PRKN: variants seen among roughly 807,000 people sequenced by gnomAD.
PRKN encodes the protein E3 ubiquitin-protein ligase parkin.
PRKN carries 56 observed loss-of-function variants against 59.5 expected under a neutral mutation model. The ratio of observed to expected loss-of-function variants is 0.94; its 90% confidence interval spans 0.76 to 1.18. The LOEUF (loss-of-function observed/expected upper bound fraction) is 1.18, where lower values mean the gene tolerates loss of function less well. Ranked by LOEUF, PRKN falls within the 50% of genes most tolerant of loss-of-function variation. PRKN has a pLI of 0.00. For synonymous variants in PRKN, 250 were observed against 222.1 expected, an observed-to-expected ratio of 1.13 and a Z score of -1.12; for missense variants, 657 against 596.4, an observed-to-expected ratio of 1.10 and a Z score of -1.06.
At position 161,544,735 on chromosome 6, in the gene PRKN, G is replaced by A. The variant is rs954342538; in HGVS notation, c.1083+4119C>T. Among the ~76,000 whole-genome samples the A allele has an allele frequency of 5.3e-5, 8 of 152,102 alleles. No homozygotes were observed. The highest frequency in any genetic ancestry group is 1.9e-4 in the African/African-American group (8 of 41,412). On this transcript the variant is annotated intron_variant, in intron 9 of 11. Transcript: ENST00000366898. This position sits in a 1 kb window ranked among gnomAD's most constrained non-coding sequence, Gnocchi z 5.5. ...CCCACATTTATCAGGCCTTTCCTAG[G>A]TGGACTGACATCATCACTTAAATGG...
chr6:161,777,562 T>C (rs1043488775), intron 7 of PRKN, among the ~76,000 whole-genome samples: 3 of 150,758 alleles, frequency 2.0e-5, no homozygotes, highest in African/African-American at 7.3e-5. Flanking sequence ...TATCTAGAAA[T>C]GAATATATAC....
rs1562639129 is a variant in PRKN, at chr6:162,283,174, T to C, written c.172-20409A>G. Among the ~76,000 whole-genome samples the C allele has an allele frequency of 2.6e-5, 4 of 152,318 alleles. No individual in the cohort carries two copies. The South Asian group carries it at 8.3e-4, about 32-fold the overall frequency. On this transcript the variant is annotated intron_variant, in intron 2 of 11. Coordinates refer to ENST00000366898, the MANE Select transcript of PRKN (RefSeq NM_004562.3). ...ACCCTTTCTGGCTACAAGCTCATTT[T>C]ACACACAGTTATTTATATGAACAGT...
chr6:162,381,201 C>A (rs1786466095), intron 2 of PRKN, among the ~76,000 whole-genome samples: 1 of 152,120 alleles, frequency 6.6e-6, no homozygotes, highest in South Asian at 2.1e-4. Context: ...GAAGACAGTT[C>A]CTGATGTTTC....
At chr6:161,449,487 G>A (rs912293711) in intron 9 of PRKN, among the ~76,000 whole-genome samples, 3 of 152,146 alleles carry the variant, frequency 2.0e-5, no homozygotes, top group Non-Finnish European at 2.9e-5. Context: ...ACTCAGGGCC[G>A]TAATATGTGA....
intron 9 of PRKN, among the ~76,000 whole-genome samples, chr6:161,389,241 C>T (rs1036162008): frequency 6.6e-6 from 1 of 152,148 alleles, no homozygotes; most frequent in African/African-American, 2.4e-5. Flanking sequence ...GAGTTTTCTC[C>T]TTTCCTACGT....
At chr6:162,281,482 G>A (rs1287830572) in intron 2 of PRKN, among the ~76,000 whole-genome samples, 1 of 152,012 alleles carries the variant, frequency 6.6e-6, no homozygotes. Context: ...AAAATTGTAT[G>A]TATTTCATGC....
rs916881913 is a variant in PRKN, at chr6:162,225,904, A to ATATATATATG, written c.413-24653_413-24652insCATATATATA. On this transcript the variant is annotated intron_variant, in intron 3 of 11. Coordinates refer to ENST00000366898, the MANE Select transcript of PRKN (RefSeq NM_004562.3). ...TAGGGCTGTATATATATATATATATATACTTTTGTTATATATTTATACTTC... is the reference window on the plus strand; with the variant it reads ...TAGGGCTGTATATATATATATATATATATATATATGTACTTTTGTTATATATTTATACTTC... 1.2e-4 allele frequency among the ~76,000 whole-genome samples: 18 copies of ATATATATATG among 148,884 alleles called. No homozygotes were observed. In the South Asian group the frequency reaches 3.4e-3, roughly 28 times the overall value.
intron 6 of PRKN, among the ~76,000 whole-genome samples, chr6:161,847,459 C>T (rs945940744): frequency 2.6e-5 from 4 of 152,206 alleles, no homozygotes; most frequent in South Asian, 2.1e-4. Flanking sequence ...TGCAGACATC[C>T]TCTCCCCTCC....
chr6:162,443,428 T>A lies in PRKN; in HGVS notation c.53A>T (p.Asp18Val), dbSNP rs1438259227. 1 of 1,614,006 alleles carries A rather than the reference T, an allele frequency of 6.2e-7. No homozygotes were observed. Among genetic ancestry groups the A allele is most frequent in the African/African-American group, 1.3e-5 (1 of 74,900 alleles). ...GAGCTGGAAGATGCTGGTGTCAGAA[T>A]CGACCTCCACTGGGAAACCATGGCT... is the stretch of plus-strand genomic sequence containing the variant. The part of the protein sequence containing the change: ...NSSHGFPVEV[D>V]SDTSIFQLKE... Residue 18 changes from aspartate (D) to valine (V), a missense_variant, in exon 2 of 12, where the codon GAT becomes GTT. Coordinates refer to ENST00000366898, the MANE Select transcript of PRKN (RefSeq NM_004562.3).
chr6:162,365,630 G>A (rs1054015434), intron 2 of PRKN, among the ~76,000 whole-genome samples: 5 of 152,014 alleles, frequency 3.3e-5, no homozygotes, highest in Non-Finnish European at 5.9e-5. Flanking sequence ...CCTGTCCCAA[G>A]GTATTGGCGT....
At chr6:161,852,158 A>G (rs1793465007) in intron 6 of PRKN, among the ~76,000 whole-genome samples, 1 of 151,808 alleles carries the variant, frequency 6.6e-6, no homozygotes, top group Admixed American at 6.6e-5. Flanking sequence ...TAAATAAACA[A>G]CCTTTCAACA....
At chr6:161,843,838 G>T (rs761408423) in intron 6 of PRKN, among the ~76,000 whole-genome samples, 7 of 152,086 alleles carry the variant, frequency 4.6e-5, no homozygotes, top group African/African-American at 4.8e-5. Context: ...CCATAGTACA[G>T]CTACGATCAT....
At chr6:162,198,867 A>G (rs1203597370) in intron 4 of PRKN, among the ~76,000 whole-genome samples, 1 of 152,014 alleles carries the variant, frequency 6.6e-6, no homozygotes, top group Non-Finnish European at 1.5e-5. Context: ...AGTCCCCACA[A>G]CACTCTATTT....
intron 4 of PRKN, among the ~76,000 whole-genome samples, chr6:162,140,987 AG>A (rs1228205040): frequency 2.0e-5 from 3 of 151,980 alleles, no homozygotes; most frequent in Non-Finnish European, 4.4e-5. Context: ...AAAAGTAGCC[AG>A]GCGTTGTGGC....
At chr6:162,646,112 A>T (rs983683536) in intron 1 of PRKN, among the ~76,000 whole-genome samples, 7 of 151,216 alleles carry the variant, frequency 4.6e-5, no homozygotes, top group South Asian at 4.2e-4. Flanking sequence ...GACCTCGTAA[A>T]CCGCCCGCCT....
rs755425411 is a variant in PRKN, at chr6:161,972,143, G to A, written c.734+1159C>T. On this transcript the variant is annotated intron_variant, in intron 6 of 11. Coordinates refer to ENST00000366898, the MANE Select transcript of PRKN (RefSeq NM_004562.3). ...TACAAAATAAGCCTGGTGTGGTGGCGCATGCCTGTAATCCCAGCTACTCGG... is the reference window on the plus strand; with the variant it reads ...TACAAAATAAGCCTGGTGTGGTGGCACATGCCTGTAATCCCAGCTACTCGG... Among the ~76,000 whole-genome samples, 4 of 151,768 alleles carry A rather than the reference G, an allele frequency of 2.6e-5. No homozygotes were observed. In the East Asian group the frequency reaches 5.9e-4, roughly 22 times the overall value.
chr6:161,418,912 G>T (rs149619925), intron 9 of PRKN, among the ~76,000 whole-genome samples: 1 of 152,158 alleles, frequency 6.6e-6, no homozygotes, highest in Non-Finnish European at 1.5e-5. Flanking sequence ...ACATACAGGC[G>T]GTGGAGTTTT....
At chr6:162,328,770 A>T (rs1196932581) in intron 2 of PRKN, among the ~76,000 whole-genome samples, 1 of 152,150 alleles carries the variant, frequency 6.6e-6, no homozygotes, top group Non-Finnish European at 1.5e-5. Context: ...TGGATGGAGG[A>T]GGAGCGAGCG....
chr6:162,299,608 T>A (rs1043524105), intron 2 of PRKN, among the ~76,000 whole-genome samples: 1 of 151,768 alleles, frequency 6.6e-6, no homozygotes, highest in Non-Finnish European at 1.5e-5. Context: ...AAACTATACA[T>A]TATCACTTCC....
Sources: gnomAD v4.1 joint callset for allele counts (sites outside exome capture counted in the v4.1 genomes callset) on GRCh38, gnomAD v4.1.1 for gene constraint, Gnocchi (gnomAD v3.1) non-coding constraint, MANE v1.5 for transcripts, NCBI Gene and HGNC (gene_info 2026-07-23, HGNC 2026-07-21) for gene names.